LNPEP: variants seen among roughly 807,000 people sequenced by gnomAD.
LNPEP encodes the protein leucyl-cystinyl aminopeptidase.
Under a neutral mutation model 120.6 loss-of-function variants are expected in LNPEP, and 64 were observed. That is an observed-to-expected ratio of 0.53 (90% CI 0.43 to 0.65). The LOEUF (loss-of-function observed/expected upper bound fraction) is 0.65, where lower values mean the gene tolerates loss of function less well. Ranked by LOEUF, LNPEP falls within the 30% of genes least tolerant of loss-of-function variation. The pLI is 0.00. For synonymous variants in LNPEP, 435 were observed against 425.4 expected, an observed-to-expected ratio of 1.02 and a Z score of -0.28; for missense variants, 1,057 against 1,200.0, an observed-to-expected ratio of 0.88 and a Z score of 1.76.
intron 6 of LNPEP, among the ~76,000 whole-genome samples, chr5:96,995,415 AT>A (rs992383732): frequency 6.6e-6 from 1 of 152,050 alleles, no homozygotes; most frequent in African/African-American, 2.4e-5. Context: ...TTTTAGATAC[AT>A]TTTTTAAGGA....
At chr5:96,990,540 A>G (rs1203593442) in intron 4 of LNPEP, among the ~76,000 whole-genome samples, 1 of 152,334 alleles carries the variant, frequency 6.6e-6, no homozygotes, top group African/African-American at 2.4e-5. Context: ...TGTAATAACA[A>G]TAACTACCAT....
intron 1 of LNPEP, among the ~76,000 whole-genome samples, chr5:96,938,522 A>C (rs1335890388): frequency 6.6e-6 from 1 of 152,188 alleles, no homozygotes; most frequent in Non-Finnish European, 1.5e-5. Context: ...AATTTAGCTT[A>C]TATCTTGTCA....
chr5:97,025,499 C>A (rs893062903), intron 15 of LNPEP, among the ~76,000 whole-genome samples: 5 of 152,140 alleles, frequency 3.3e-5, no homozygotes, highest in African/African-American at 1.2e-4. Flanking sequence ...GCTAGTAATA[C>A]ACTAAGAATG....
At chr5:97,002,540 A>G (rs1790681224) in intron 8 of LNPEP, among the ~76,000 whole-genome samples, 1 of 152,190 alleles carries the variant, frequency 6.6e-6, no homozygotes, top group Non-Finnish European at 1.5e-5. Flanking sequence ...AGTTATGTGT[A>G]CAATAATCTT....
chr5:96,966,070 C>G (rs1789717604), intron 1 of LNPEP, among the ~76,000 whole-genome samples: 1 of 152,076 alleles, frequency 6.6e-6, no homozygotes, highest in Non-Finnish European at 1.5e-5. Flanking sequence ...AAACAATGTG[C>G]AAAATTAAAC....
Position 96,938,365 on chromosome 5 carries a change from A to T in LNPEP, c.19+2191A>T, listed in dbSNP as rs117385930. On this transcript the variant is annotated intron_variant, in intron 1 of 17. Transcript: ENST00000231368. ...ATCCTCTTTTAATGGAATCTTTCCCACTTACACTTTTTCATGTATCCCTAT... is the reference window on the plus strand; with the variant it reads ...ATCCTCTTTTAATGGAATCTTTCCCTCTTACACTTTTTCATGTATCCCTAT... Among the ~76,000 whole-genome samples the T allele has an allele frequency of 1.8e-3, 275 of 152,300 alleles. 1 individual carries two copies. Among genetic ancestry groups the T allele is most frequent in the Admixed American group, 8.8e-3 (134 of 15,308 alleles).
chr5:96,995,745 C>T (rs903697509), intron 6 of LNPEP, among the ~76,000 whole-genome samples: 1 of 152,136 alleles, frequency 6.6e-6, no homozygotes, highest in African/African-American at 2.4e-5. Flanking sequence ...CTGGCTTGAA[C>T]TCCTGGCCTT....
chr5:97,030,600 C>T lies in LNPEP; in HGVS notation c.*2067C>T, dbSNP rs923468657. ...AATCTTGTCTTGAATTATATCATTT[C>T]TCTCCCTCTCTCTCTCTCTCTGTGT... On this transcript the variant is annotated 3_prime_UTR_variant, in exon 18 of 18. Transcript: ENST00000231368. 1 of 140,622 alleles carries T rather than the reference C, an allele frequency of 7.1e-6. No individual in the cohort carries two copies. Among genetic ancestry groups the T allele is most frequent in the Non-Finnish European group, 1.5e-5 (1 of 65,238 alleles). The allele number at this position is 140,622 out of a possible 1,614,324, so 8.7% of individuals were successfully genotyped here. A position where few individuals can be genotyped will look rare whatever the true frequency, so the allele number is the denominator to read the frequency against.
intron 8 of LNPEP, among the ~76,000 whole-genome samples, chr5:96,999,770 A>G (rs1790601642): frequency 6.6e-6 from 1 of 151,962 alleles, no homozygotes; most frequent in African/African-American, 2.4e-5. Context: ...CCCTGTCAAC[A>G]TGGTAACTAC....
chr5:97,001,189 C>T (rs983685753), intron 8 of LNPEP, among the ~76,000 whole-genome samples: 4 of 151,990 alleles, frequency 2.6e-5, no homozygotes, highest in South Asian at 2.1e-4. Context: ...AGATGGGTGG[C>T]GAGATAATGG....
intron 1 of LNPEP, among the ~76,000 whole-genome samples, chr5:96,959,588 A>G (rs547552780): frequency 1.3e-5 from 2 of 152,262 alleles, no homozygotes; most frequent in Non-Finnish European, 2.9e-5. Context: ...CTTTTTATGA[A>G]GCTTTTAGCC....
chr5:96,986,122 A>G (rs1790237621), intron 3 of LNPEP, among the ~76,000 whole-genome samples: 1 of 152,144 alleles, frequency 6.6e-6, no homozygotes, highest in Admixed American at 6.6e-5. Flanking sequence ...ATGGCACCCC[A>G]TGAAGCCATT....
intron 10 of LNPEP, 82 bp downstream of exon 10, chr5:97,006,315 C>T (rs998885278): frequency 7.5e-7 from 1 of 1,326,668 alleles, no homozygotes; most frequent in Non-Finnish European, 1.1e-6. Context: ...ATCATAAGTT[C>T]TTGTGAAACC....
chr5:97,027,703 C>T (rs27300), intron 16 of LNPEP, 30 bp from the exon 17 acceptor site: 821,034 of 1,410,636 alleles, frequency 0.58, 240,584 homozygotes, highest in Middle Eastern at 0.73. Context: ...GCTGCCTAAT[C>T]TTTTTGCTCT....
At chr5:96,969,737 G>T (rs1789814920) in intron 1 of LNPEP, among the ~76,000 whole-genome samples, 1 of 149,950 alleles carries the variant, frequency 6.7e-6, no homozygotes, top group Non-Finnish European at 1.5e-5. Context: ...GTTGATTTTT[G>T]CCCTGTTTTT....
At chr5:96,998,186 AT>A in intron 8 of LNPEP, 41 bp downstream of exon 8, 1 of 1,345,018 alleles carries the variant, frequency 7.4e-7, no homozygotes, top group African/African-American at 1.5e-5. Flanking sequence ...TGGGTTTAAA[AT>A]TTCGTATAAT....
At chr5:96,992,186 C>A (rs942077929) in intron 4 of LNPEP, among the ~76,000 whole-genome samples, 1 of 152,086 alleles carries the variant, frequency 6.6e-6, no homozygotes, top group African/African-American at 2.4e-5. Context: ...GCAAGAATTG[C>A]AATTTAATAA....
chr5:96,954,773 T>TA (rs1491213774), intron 1 of LNPEP, among the ~76,000 whole-genome samples: 848 of 10,402 alleles, frequency 0.082, 129 homozygotes, highest in African/African-American at 0.096. Flanking sequence ...TATATATATA[T>TA]TTTTTTTTTT....
chr5:97,001,996 TGGGC>T (rs1339788831), intron 8 of LNPEP, among the ~76,000 whole-genome samples: 1 of 151,998 alleles, frequency 6.6e-6, no homozygotes, highest in Admixed American at 6.6e-5. Flanking sequence ...AAAAATTAGC[TGGGC>T]GTGGTGGTGG....
Sources: allele counts gnomAD v4.1 joint callset (sites outside exome capture counted in the v4.1 genomes callset), GRCh38; gene constraint gnomAD v4.1.1; transcripts MANE v1.5; gene names NCBI Gene and HGNC (gene_info 2026-07-23, HGNC 2026-07-21).